The following USH2A variants were observed in gnomAD, a reference collection of about 807,000 sequenced individuals.
USH2A encodes the protein usherin.
A neutral mutation model predicts 538.9 loss-of-function variants in USH2A; 443 were observed. The ratio of observed to expected loss-of-function variants is 0.82; its 90% CI spans 0.76 to 0.89. The LOEUF is 0.89. USH2A is among the 40% of genes least tolerant of loss of function. The pLI is 0.00. For missense variants in USH2A, 6,633 were observed against 6,324.8 expected (o/e 1.05, Z -1.65); for synonymous variants, 2,413 against 2,273.5 (o/e 1.06, Z -1.75).
intron 59 of USH2A, among the ~76,000 whole-genome samples, chr1:215,742,782 T>C (rs1461058282): frequency 6.6e-6 from 1 of 152,150 alleles, no homozygotes; most frequent in Non-Finnish European, 1.5e-5. Flanking sequence ...AATTCAACTC[T>C]TAAATAACTT....
chr1:215,689,499 C>T (rs116719408), intron 61 of USH2A, among the ~76,000 whole-genome samples: 8 of 152,324 alleles, frequency 5.3e-5, no homozygotes, highest in Admixed American at 1.3e-4. Context: ...TCTCCCTCCC[C>T]CTGAGTGCAG....
chr1:215,905,343 TA>T (rs1665612538), intron 38 of USH2A, among the ~76,000 whole-genome samples: 3 of 152,054 alleles, frequency 2.0e-5, no homozygotes, highest in African/African-American at 7.2e-5. Flanking sequence ...AATAGTGAAA[TA>T]AAATGCTGCA....
rs114402911 is a variant in USH2A, at chr1:216,046,516, C to A, written c.6240G>T (p.Lys2080Asn). ...AGTACTGAGTTATAATACCATTTGC[C>A]TTTTTGGGTGGGTTCCAGGAGAGCA... ...SLLLSWNPPK[K>N]ANGIITQYCL... Residue 2080 changes from lysine to asparagine, a missense_variant, in exon 32 of 72, where the codon AAG (lysine) becomes AAT (asparagine). Lys to Asn is a moderately conservative substitution (Grantham distance 94). Transcript: ENST00000307340. The A allele has an allele frequency of 7.0e-3, 11,347 of 1,613,826 alleles. 61 individuals are homozygous for A. Among genetic ancestry groups the A allele is most frequent in the African/African-American group, 9.6e-3 (720 of 74,998 alleles).
At chr1:216,321,096 A>G (rs1009908861) in intron 9 of USH2A, among the ~76,000 whole-genome samples, 3 of 152,132 alleles carry the variant, frequency 2.0e-5, no homozygotes, top group Admixed American at 1.3e-4. Context: ...ACATTTTTGT[A>G]CATACAATCA....
At chr1:215,670,860 C>T (rs1657792270) in intron 64 of USH2A, 112 bp downstream of exon 64, 1 of 1,099,172 alleles carries the variant, frequency 9.1e-7, no homozygotes, top group Admixed American at 2.0e-5. Context: ...TATTATTCTC[C>T]TTAAGTCCTA....
intron 4 of USH2A, among the ~76,000 whole-genome samples, chr1:216,356,673 C>G (rs1448607830): frequency 6.6e-6 from 1 of 152,034 alleles, no homozygotes; most frequent in Non-Finnish European, 1.5e-5. Context: ...ATGGTGTATA[C>G]TATTCCACAG....
At position 215,921,028 on chromosome 1, in the gene USH2A, C is replaced by T. The variant is rs764067265; in HGVS notation, c.7300+13588G>A. On this transcript the variant is annotated intron_variant, in intron 38 of 71. Coordinates refer to ENST00000307340, the MANE Select transcript of USH2A (RefSeq NM_206933.4). ...CTGTTCACAGAAAATTGTTTTAGTA[C>T]AGGAAGAAAAAGATTCTTTCTTTCA... Among the ~76,000 whole-genome samples the T allele has an allele frequency of 5.3e-5, 8 of 151,916 alleles. No individual in the cohort carries two copies. The South Asian group carries it at 1.7e-3, about 31-fold the overall frequency.
At chr1:216,236,404 T>C (rs913721011) in intron 13 of USH2A, among the ~76,000 whole-genome samples, 2 of 152,206 alleles carry the variant, frequency 1.3e-5, no homozygotes, top group African/African-American at 4.8e-5. Flanking sequence ...TACATTTACA[T>C]GTGAGTCAGT....
At chr1:216,117,551 T>C (rs2033036915) in intron 21 of USH2A, among the ~76,000 whole-genome samples, 1 of 152,070 alleles carries the variant, frequency 6.6e-6, no homozygotes, top group East Asian at 1.9e-4. Context: ...ACTTTAATCA[T>C]CAGGACACTA....
intron 47 of USH2A, among the ~76,000 whole-genome samples, chr1:215,835,306 G>A (rs933155743): frequency 6.6e-6 from 1 of 151,796 alleles, no homozygotes; most frequent in Non-Finnish European, 1.5e-5. Context: ...TTATCTGGAG[G>A]TATTTTTTTT....
At chr1:216,391,024 G>A (rs868493712) in intron 3 of USH2A, among the ~76,000 whole-genome samples, 1 of 152,102 alleles carries the variant, frequency 6.6e-6, no homozygotes, top group Non-Finnish European at 1.5e-5. Context: ...TATTAGGGAA[G>A]GTAAAAACAG....
At chr1:215,651,276 C>A (rs868149785) in intron 64 of USH2A, among the ~76,000 whole-genome samples, 16 of 152,230 alleles carry the variant, frequency 1.1e-4, no homozygotes, top group South Asian at 4.2e-4. Context: ...TATCAAGAAC[C>A]ATTTGTATAA....
At chr1:215,668,007 C>T (rs564245992) in intron 64 of USH2A, among the ~76,000 whole-genome samples, 3 of 152,318 alleles carry the variant, frequency 2.0e-5, no homozygotes, top group South Asian at 4.1e-4. Context: ...TACATCCTCA[C>T]GATCTTCTGA....
intron 64 of USH2A, among the ~76,000 whole-genome samples, chr1:215,662,581 G>A (rs1004874162): frequency 9.6e-4 from 146 of 152,280 alleles, no homozygotes; most frequent in Middle Eastern, 6.8e-3. Flanking sequence ...CAAAAGGCTC[G>A]ATGCAAAAAA....
Position 216,241,437 on chromosome 1 carries a change from T to A in USH2A, c.2809+5148A>T, listed in dbSNP as rs17026407. ...TATGTTAAACAATGGCAATACTGGA[T>A]AATAATACTAAATTTTCTTCATGCA... On this transcript the variant is annotated intron_variant, in intron 13 of 71. Coordinates refer to ENST00000307340, the MANE Select transcript of USH2A (RefSeq NM_206933.4). Among the ~76,000 whole-genome samples the A allele has an allele frequency of 2.0e-3, 312 of 152,282 alleles. 9 individuals are homozygous for A. In the East Asian group the frequency reaches 0.056, roughly 27 times the overall value.
intron 21 of USH2A, among the ~76,000 whole-genome samples, chr1:216,102,353 G>A (rs749351435): frequency 7.4e-5 from 11 of 149,604 alleles, no homozygotes; most frequent in African/African-American, 2.7e-4. Context: ...ATACACACAC[G>A]TATATATTAC....
intron 43 of USH2A, among the ~76,000 whole-genome samples, chr1:215,877,476 G>A (rs1258481260): frequency 2.6e-5 from 4 of 152,044 alleles, no homozygotes; most frequent in East Asian, 1.9e-4. Context: ...CTTCCATAAC[G>A]TTTTATGTCT....
At chr1:215,758,422 T>G (rs1660875461) in intron 58 of USH2A, among the ~76,000 whole-genome samples, 173 bp downstream of exon 58, 2 of 152,206 alleles carry the variant, frequency 1.3e-5, no homozygotes, top group Non-Finnish European at 2.9e-5. Flanking sequence ...TATGTATGTA[T>G]GTACTCATGC....
rs1005170744 is a variant in USH2A, at chr1:216,321,804, C to T, written c.1644+79G>A. On this transcript the variant is annotated intron_variant, in intron 9 of 71. Transcript: ENST00000307340. ...TTAAATTTATTTTCATTTGTTAGGC[C>T]AAGATTAAGTTCATAGAATTTATAG... The T allele has an allele frequency of 7.8e-6, 10 of 1,278,982 alleles. No individual in the cohort carries two copies. The Admixed American group carries it at 1.2e-4, about 15-fold the overall frequency. The allele number at this position is 1,278,982 out of a possible 1,614,324, so 79.2% of individuals were successfully genotyped here.
Sources: allele counts gnomAD v4.1 joint callset (sites outside exome capture counted in the v4.1 genomes callset), GRCh38; gene constraint gnomAD v4.1.1; transcripts MANE v1.5; gene names NCBI Gene and HGNC (gene_info 2026-07-23, HGNC 2026-07-21).